The following OCA2 variants were observed in gnomAD, a reference collection of about 807,000 sequenced individuals.
OCA2 encodes P protein.
Under a neutral mutation model 100.2 loss-of-function variants are expected in OCA2, and 77 were observed. The ratio of observed to expected loss-of-function variants is 0.77; its 90% CI spans 0.64 to 0.93. The LOEUF (loss-of-function observed/expected upper bound fraction) is 0.93. OCA2 is among the 40% of genes least tolerant of loss of function. The probability of loss-of-function intolerance (pLI) is 0.00; values close to 1 mark genes in which losing one functional copy is unlikely to be tolerated. For missense variants in OCA2, 1,062 were observed against 1,089.1 expected, an observed-to-expected ratio of 0.98 and a Z score of 0.35; for synonymous variants, 432 against 439.2, an observed-to-expected ratio of 0.98 and a Z score of 0.21.
At chr15:28,021,372 A>G (rs1438307017) in intron 6 of OCA2, among the ~76,000 whole-genome samples, 2 of 152,212 alleles carry the variant, frequency 1.3e-5, no homozygotes, top group Non-Finnish European at 2.9e-5. Context: ...CCCACTCCTG[A>G]TCCCAGAATA....
the OCA2 span, among the ~76,000 whole-genome samples, chr15:27,733,054 T>C: frequency 2.6e-5 from 4 of 152,128 alleles, no homozygotes. Context: ...GACCCCCAAA[T>C]CCATTAGCAC....
At chr15:28,028,127 G>C in intron 3 of OCA2, 68 bp from the exon 4 acceptor site, 1 of 1,562,752 alleles carries the variant, frequency 6.4e-7, no homozygotes, top group Non-Finnish European at 8.8e-7. Flanking sequence ...GCTTTCCTCT[G>C]AGTTCTGACT....
chr15:28,095,704 C>G (rs953288768), intron 1 of OCA2, among the ~76,000 whole-genome samples: 4 of 143,086 alleles, frequency 2.8e-5, no homozygotes, highest in Non-Finnish European at 4.5e-5. Context: ...ACAACAAGAA[C>G]GAAACTGTCT....
chr15:28,057,393 C>T (rs745593396), intron 2 of OCA2, among the ~76,000 whole-genome samples: 17 of 152,120 alleles, frequency 1.1e-4, no homozygotes, highest in Non-Finnish European at 2.1e-4. Flanking sequence ...AACATAATAG[C>T]AGCTCTCTAT....
chr15:27,752,193 G>T (rs569326616), downstream of OCA2, among the ~76,000 whole-genome samples: 1 of 152,284 alleles, frequency 6.6e-6, no homozygotes, highest in African/African-American at 2.4e-5. Flanking sequence ...GGATTTTCAT[G>T]GTGAATTCAG....
At chr15:27,730,542 G>A in the OCA2 span, among the ~76,000 whole-genome samples, 1 of 151,752 alleles carries the variant, frequency 6.6e-6, no homozygotes, top group Admixed American at 6.6e-5. Context: ...CCATTCCCAA[G>A]GTTGGGGGCT....
Position 27,969,905 on chromosome 15 carries a change from T to TTAA in OCA2, c.1504-3084_1504-3083insTTA, listed in dbSNP as rs374289172. On this transcript the variant is annotated intron_variant, in intron 14 of 23. Transcript: ENST00000354638. ...TCTTGAATTCTTCCATGTGAAAATT[T>TTAA]AAAAAAAAAAAAAAGCTTCTTATGA... Among the ~76,000 whole-genome samples the TTAA allele has an allele frequency of 8.6e-4, 124 of 144,434 alleles. 2 individuals are homozygous for TTAA. The South Asian group carries it at 0.026, about 31-fold the overall frequency. 94.8% of individuals were successfully genotyped at this position (144,434 alleles called of 152,430 possible).
At chr15:27,998,313 A>G (rs2041815093) in intron 9 of OCA2, among the ~76,000 whole-genome samples, 1 of 88,454 alleles carries the variant, frequency 1.1e-5, no homozygotes, top group Non-Finnish European at 3.8e-5. Context: ...ACAAAGGGCT[A>G]GTATCCAGAA....
intron 1 of OCA2, among the ~76,000 whole-genome samples, chr15:28,097,308 G>C (rs1376558425): frequency 6.6e-6 from 1 of 152,258 alleles, no homozygotes; most frequent in African/African-American, 2.4e-5. Flanking sequence ...CTGCCTGCAG[G>C]TCAGTGACAG....
intron 1 of OCA2, among the ~76,000 whole-genome samples, chr15:28,093,420 AAAAAG>A (rs1253109978): frequency 3.9e-5 from 6 of 152,034 alleles, no homozygotes; most frequent in Non-Finnish European, 5.9e-5. Flanking sequence ...TCAAAAAAAA[AAAAAG>A]AAAGAAAGAA....
chr15:27,821,806 A>G (rs2034519644), intron 23 of OCA2, among the ~76,000 whole-genome samples: 2 of 152,280 alleles, frequency 1.3e-5, no homozygotes, highest in East Asian at 3.9e-4. Context: ...ACACATACAC[A>G]GGCACATAGG....
rs187355346 is a variant in OCA2 at position 27,870,188 on chromosome 15, C to T, written c.2244+966G>A. Among the ~76,000 whole-genome samples, 9 of 152,276 alleles carry T rather than the reference C, an allele frequency of 5.9e-5. No individual in the cohort carries two copies. In the East Asian group the frequency reaches 7.7e-4, roughly 13 times the overall value. ...CCATTGTTCAGAATACTATACAGGG[C>T]GGTGGGATGTCTTGGGACCCCCTTG... On this transcript the variant is annotated intron_variant, in intron 21 of 23. Transcript: ENST00000354638.
the OCA2 span, among the ~76,000 whole-genome samples, chr15:27,739,899 A>G: frequency 6.6e-6 from 1 of 152,174 alleles, no homozygotes; most frequent in Non-Finnish European, 1.5e-5. Context: ...GAGTTGGCAA[A>G]TGTCTCAGAG....
chr15:28,073,303 G>A (rs572606378), intron 2 of OCA2, among the ~76,000 whole-genome samples: 4 of 152,222 alleles, frequency 2.6e-5, no homozygotes, highest in South Asian at 4.1e-4. Flanking sequence ...AATCCCAGCT[G>A]CTTGGGAGGC....
chr15:28,080,579 C>G lies in OCA2; in HGVS notation c.227+1069G>C, dbSNP rs150479234. ...GAAACATTCAGTGAAAGCATGAGCA[C>G]GCAAGCTGGGGAGCTCCCCCTGGAG... is the stretch of plus-strand genomic sequence containing the variant. On this transcript the variant is annotated intron_variant, in intron 2 of 23. Transcript: ENST00000354638. Among the ~76,000 whole-genome samples the G allele has an allele frequency of 2.5e-3, 374 of 152,334 alleles. 1 individual carries two copies. The highest frequency in any genetic ancestry group is 8.8e-3 in the African/African-American group (365 of 41,582).
At chr15:27,888,661 TTTTAA>T in intron 19 of OCA2, among the ~76,000 whole-genome samples, 1 of 152,212 alleles carries the variant, frequency 6.6e-6, no homozygotes, top group African/African-American at 2.4e-5. Context: ...AATTTCTTTT[TTTTAA>T]TTTTATATCA....
intron 2 of OCA2, among the ~76,000 whole-genome samples, chr15:28,049,288 A>G (rs547723034): frequency 5.9e-5 from 9 of 152,344 alleles, no homozygotes; most frequent in African/African-American, 1.7e-4. Context: ...ATTACTTCAC[A>G]CTGACTAGGA....
intron 23 of OCA2, among the ~76,000 whole-genome samples, chr15:27,814,939 G>C (rs1323912042): frequency 3.0e-5 from 4 of 134,782 alleles, no homozygotes; most frequent in African/African-American, 8.2e-5. Context: ...TAGATAGATA[G>C]ATAGATACAG....
rs1419119728 is a variant in OCA2, at chr15:27,854,571, C to T, written c.2245-3096G>A. Among the ~76,000 whole-genome samples, 10 of 152,332 alleles carry T rather than the reference C, an allele frequency of 6.6e-5. No individual in the cohort carries two copies. In the East Asian group the frequency reaches 1.9e-3, roughly 29 times the overall value. ...CTGATGCAGAATCAGAAACTCCTGG[C>T]AGCAGGGTGCTCCCATGCAGTCCCT... On this transcript the variant is annotated intron_variant, in intron 21 of 23. Transcript: ENST00000354638.
Sources: allele counts gnomAD v4.1 joint callset (sites outside exome capture counted in the v4.1 genomes callset), GRCh38; gene constraint gnomAD v4.1.1; transcripts MANE v1.5; gene names NCBI Gene and HGNC (gene_info 2026-07-23, HGNC 2026-07-21).